The following CREB5 variants were observed in gnomAD, a reference collection of about 807,000 sequenced individuals.
The protein encoded by CREB5 is cAMP responsive element binding protein 5, also known as cyclic AMP-responsive element-binding protein 5.
A neutral mutation model predicts 57.1 loss-of-function variants in CREB5; 19 were observed. The ratio of observed to expected loss-of-function variants is 0.33; its 90% CI spans 0.23 to 0.49. The LOEUF is 0.49. CREB5 is among the 20% of genes least tolerant of loss of function. The pLI, the probability that CREB5 is intolerant of heterozygous loss-of-function variation, is 0.99. For synonymous variants in CREB5, 238 were observed against 238.3 expected, an observed-to-expected ratio of 1.00 and a Z score of 0.01; for missense variants, 579 against 671.6, an observed-to-expected ratio of 0.86 and a Z score of 1.52.
chr7:28,675,341 A>G (rs1422131984), intron 5 of CREB5, among the ~76,000 whole-genome samples: 1 of 152,182 alleles, frequency 6.6e-6, no homozygotes, highest in East Asian at 1.9e-4. Flanking sequence ...CAAGAACTCA[A>G]CAGCATCCTT....
chr7:28,376,994 G>A (rs185198789), intron 1 of CREB5, among the ~76,000 whole-genome samples: 17 of 152,300 alleles, frequency 1.1e-4, no homozygotes, highest in South Asian at 2.1e-4. Context: ...ATTAACTACC[G>A]GATTATCCAT....
intron 5 of CREB5, among the ~76,000 whole-genome samples, chr7:28,682,693 GGAA>G (rs1800662352): frequency 6.6e-6 from 1 of 150,694 alleles, no homozygotes; most frequent in Admixed American, 6.6e-5. Context: ...GGGGGGGGGG[GGAA>G]ACCCCAGCTC....
At chr7:28,444,542 G>A (rs1562720042) in intron 1 of CREB5, among the ~76,000 whole-genome samples, 1 of 152,184 alleles carries the variant, frequency 6.6e-6, no homozygotes, top group Non-Finnish European at 1.5e-5. Flanking sequence ...TTTCAACCAA[G>A]TCACAGCAGG....
chr7:28,395,977 G>A (rs1199944493), intron 1 of CREB5, among the ~76,000 whole-genome samples: 2 of 152,176 alleles, frequency 1.3e-5, no homozygotes, highest in Non-Finnish European at 2.9e-5. Flanking sequence ...GAAGTGTGAT[G>A]CAGACACAAG....
chr7:28,395,466 A>G (rs1463300330), intron 1 of CREB5, among the ~76,000 whole-genome samples: 3 of 152,130 alleles, frequency 2.0e-5, no homozygotes, highest in African/African-American at 4.8e-5. Flanking sequence ...TCTGTTTTCA[A>G]TTTCCTTCAC....
At chr7:28,417,668 C>A (rs1788081192) in intron 1 of CREB5, among the ~76,000 whole-genome samples, 1 of 152,166 alleles carries the variant, frequency 6.6e-6, no homozygotes. Context: ...AGGTTGAGAA[C>A]CACGGTTCTA....
Position 28,624,106 on chromosome 7 carries a change from G to A in CREB5, c.464+53569G>A, listed in dbSNP as rs780099679. Among the ~76,000 whole-genome samples, 5 of 152,242 alleles carry A rather than the reference G, an allele frequency of 3.3e-5. No homozygotes were observed. In the East Asian group the frequency reaches 5.8e-4, roughly 18 times the overall value. Reference sequence around the variant, plus strand: ...AACCTAAACCAGATAGTCTGAAGCCGTTACAAATAGATAAAGCACTCTGAA... The same window carrying A: ...AACCTAAACCAGATAGTCTGAAGCCATTACAAATAGATAAAGCACTCTGAA... On this transcript the variant is annotated intron_variant, in intron 5 of 10. Coordinates refer to ENST00000357727, the MANE Select transcript of CREB5 (RefSeq NM_182898.4).
intron 1 of CREB5, among the ~76,000 whole-genome samples, chr7:28,390,139 T>A (rs1170867095): frequency 6.6e-6 from 1 of 151,602 alleles, no homozygotes; most frequent in East Asian, 1.9e-4. Context: ...AACATAACCA[T>A]CGCTTATTTG....
chr7:28,792,317 C>T (rs1807763514), intron 7 of CREB5, among the ~76,000 whole-genome samples: 1 of 148,554 alleles, frequency 6.7e-6, no homozygotes, highest in African/African-American at 2.5e-5. Context: ...AAAAAATTGC[C>T]AAATAATAAG....
At chr7:28,411,384 A>C (rs1583430048), upstream of CREB5, among the ~76,000 whole-genome samples, 1 of 152,110 alleles carries the variant, frequency 6.6e-6, no homozygotes. Flanking sequence ...CCATACAATA[A>C]ATTGCTGCGT....
At chr7:28,450,455 T>A (rs1278999523) in intron 1 of CREB5, among the ~76,000 whole-genome samples, 1 of 152,188 alleles carries the variant, frequency 6.6e-6, no homozygotes, top group Non-Finnish European at 1.5e-5. Context: ...AATATTGAAA[T>A]AGATAATTTA....
At chr7:28,491,373 T>C (rs1791801184) in intron 2 of CREB5, 1 of 448,124 alleles carries the variant, frequency 2.2e-6, no homozygotes. Context: ...TGGAAAGAGA[T>C]TCAAGGAAGT....
chr7:28,621,826 C>A (rs755930696), intron 5 of CREB5, among the ~76,000 whole-genome samples: 1 of 152,030 alleles, frequency 6.6e-6, no homozygotes, highest in Non-Finnish European at 1.5e-5. Context: ...GTATTAAGGA[C>A]AACATATATC....
At chr7:28,698,073 G>T (rs367628801) in intron 5 of CREB5, among the ~76,000 whole-genome samples, 2 of 152,076 alleles carry the variant, frequency 1.3e-5, no homozygotes, top group African/African-American at 2.4e-5. Flanking sequence ...AGAAACATAC[G>T]GATTAAATTT....
At chr7:28,804,174 T>C (rs780377191) in intron 7 of CREB5, 25 bp from the exon 8 acceptor site, 51 of 1,601,208 alleles carry the variant, frequency 3.2e-5, no homozygotes, top group Non-Finnish European at 4.4e-5. Flanking sequence ...AGTTGTTCTC[T>C]CTCCTCCCTT....
chr7:28,321,374 C>T (rs1252622862), intron 1 of CREB5, among the ~76,000 whole-genome samples: 1 of 152,150 alleles, frequency 6.6e-6, no homozygotes, highest in African/African-American at 2.4e-5. Flanking sequence ...CAAAATGAAA[C>T]TTCAGGGCCT....
At chr7:28,697,838 A>T (rs1801653302) in intron 5 of CREB5, among the ~76,000 whole-genome samples, 1 of 152,094 alleles carries the variant, frequency 6.6e-6, no homozygotes, top group Non-Finnish European at 1.5e-5. Flanking sequence ...ACACGTGTGG[A>T]TGTTTATTTA....
chr7:28,699,689 G>A (rs1476205582), intron 5 of CREB5, among the ~76,000 whole-genome samples: 2 of 152,128 alleles, frequency 1.3e-5, no homozygotes, highest in Admixed American at 1.3e-4. Context: ...TCAACTTTCT[G>A]TCTTGGAAAA....
chr7:28,352,384 G>C (rs887961247), intron 1 of CREB5, among the ~76,000 whole-genome samples: 1 of 152,192 alleles, frequency 6.6e-6, no homozygotes, highest in Non-Finnish European at 1.5e-5. Context: ...ACAGTCCTCA[G>C]AGGGAGTGTA....
Sources: allele counts gnomAD v4.1 joint callset (sites outside exome capture counted in the v4.1 genomes callset), GRCh38; gene constraint gnomAD v4.1.1; transcripts MANE v1.5; gene names NCBI Gene and HGNC (gene_info 2026-07-23, HGNC 2026-07-21).